CES2: variants seen among roughly 807,000 people sequenced by gnomAD.
CES2 encodes the protein cocaine esterase.
Under a neutral mutation model 52.1 loss-of-function variants are expected in CES2, and 42 were observed. The observed-to-expected ratio is 0.81, with a 90% CI of 0.63 to 1.04. The LOEUF is 1.04. CES2 is among the 50% of genes least tolerant of loss of function. The probability of loss-of-function intolerance (pLI) is 0.00; values close to 1 mark genes in which losing one functional copy is unlikely to be tolerated. For missense variants in CES2, 656 were observed against 724.3 expected, an observed-to-expected ratio of 0.91 and a Z score of 1.08; for synonymous variants, 277 against 289.6, an observed-to-expected ratio of 0.96 and a Z score of 0.44.
At position 66,940,301 on chromosome 16, in the gene CES2, A is replaced by G; in HGVS notation, c.503A>G (p.Glu168Gly). 6.2e-7 allele frequency: 1 copy of G among 1,614,014 alleles called. No individual in the cohort carries two copies. The highest frequency in any genetic ancestry group is 8.5e-7 in the Non-Finnish European group (1 of 1,180,012). ...LYDGSMLAAL[E>G]NVVVVIIQYR... is the part of the protein sequence containing the mutation. Reference sequence around the variant, plus strand: ...GATGGTTCCATGCTGGCTGCCTTGGAGAACGTGGTGGTGGTCATCATCCAG... The same window carrying G: ...GATGGTTCCATGCTGGCTGCCTTGGGGAACGTGGTGGTGGTCATCATCCAG... Residue 168 changes from glutamate to glycine, a missense_variant, in exon 4 of 12, where the codon GAG becomes GGG. Coordinates refer to ENST00000317091, the MANE Select transcript of CES2 (RefSeq NM_001365405.1).
Position 66,943,525 on chromosome 16 carries a change from G to T in CES2, c.1493+154G>T. On this transcript the variant is annotated intron_variant, in intron 11 of 11. Transcript: ENST00000317091. This position sits in a 1 kb window ranked among gnomAD's most constrained non-coding sequence, Gnocchi z 4.2. ...TCCGGGACCCACTCAGACAGGGTGG[G>T]GGTGCGTGGGGCAGTGGACACGCTC... is the stretch of plus-strand genomic sequence containing the variant. The T allele has an allele frequency of 1.3e-6, 1 of 754,900 alleles. No homozygotes were observed. The highest frequency in any genetic ancestry group is 2.2e-6 in the Non-Finnish European group (1 of 456,566). The allele number at this position is 754,900 out of a possible 1,614,324, so 46.8% of individuals were successfully genotyped here. A position where few individuals can be genotyped will look rare whatever the true frequency, so the allele number is the denominator to read the frequency against.
chr16:66,941,293 G>T lies in CES2; in HGVS notation c.915+71G>T, dbSNP rs377228923. On this transcript the variant is annotated intron_variant, in intron 6 of 11. Transcript: ENST00000317091. ...ATGGGGCTGGCAGGCCTGCACGGCC[G>T]TCATATTCCCTGGGCACATTACCTC... The T allele has an allele frequency of 2.9e-5, 45 of 1,578,554 alleles. 1 individual carries two copies. In the Admixed American group the frequency reaches 6.7e-4, roughly 24 times the overall value.
In CES2 at chr16:66,940,695, G is replaced by A. The variant is rs142953579; in HGVS notation, c.816G>A (p.Thr272=). ...CCAGCTCAGCTGATGTCATCTCCACGGTGAGTGCCCTCAGCTGAAGAGGCC... is the reference window on the plus strand; with the variant it reads ...CCAGCTCAGCTGATGTCATCTCCACAGTGAGTGCCCTCAGCTGAAGAGGCC... ...LIASSADVIS[T]VVANLSACDQ... is the part of the protein sequence containing the mutation. Residue 272 remains threonine, a splice_region_variant and synonymous_variant, in exon 5 of 12, where the codon ACG becomes ACA. Coordinates refer to ENST00000317091, the MANE Select transcript of CES2 (RefSeq NM_001365405.1). 15 of 1,613,840 alleles carry A rather than the reference G, an allele frequency of 9.3e-6. No homozygotes were observed. Among genetic ancestry groups the A allele is most frequent in the East Asian group, 4.5e-5 (2 of 44,870 alleles).
intron 3 of CES2, 51 bp from the exon 4 acceptor site, chr16:66,940,171 T>G: frequency 1.2e-6 from 2 of 1,603,474 alleles, no homozygotes; most frequent in Non-Finnish European, 1.7e-6. Context: ...GTGGCCCTGG[T>G]GGGGTTTGGG....
rs763343151 is a variant in CES2 at position 66,935,698 on chromosome 16, T to C, written c.63T>C (p.Leu21=). 6.2e-7 allele frequency: 1 copy of C among 1,600,698 alleles called. No individual in the cohort carries two copies. The highest frequency in any genetic ancestry group is 8.5e-7 in the Non-Finnish European group (1 of 1,179,814). ...SAVACGLLLL[L]VRGQGQDSAS... ...TGGCCTGTGGGCTTCTGCTGCTTCTTGTCCGGGGCCAGGGTGAGGCTCCCT... is the reference window on the plus strand; with the variant it reads ...TGGCCTGTGGGCTTCTGCTGCTTCTCGTCCGGGGCCAGGGTGAGGCTCCCT... The change falls in exon 1 of 12, where the codon CTT becomes CTC. Residue 21 remains leucine (L), a synonymous_variant. Coordinates refer to ENST00000317091, the MANE Select transcript of CES2 (RefSeq NM_001365405.1).
At chr16:66,938,346 C>T (rs762348676) in intron 2 of CES2, 105 bp downstream of exon 2, 29 of 804,870 alleles carry the variant, frequency 3.6e-5, no homozygotes, top group Non-Finnish European at 6.0e-5. Context: ...ACCCCCACAG[C>T]CAGTTTTCCT....
Position 66,944,040 on chromosome 16 carries a change from G to A in CES2, c.*15G>A. ...CAGAGCTGTAGCTCCCTGTGCCGGG[G>A]AGGAGGGGGTGGGTTCGCTGACAGG... On this transcript the variant is annotated 3_prime_UTR_variant, in exon 12 of 12. Transcript: ENST00000317091. 1 of 1,323,332 alleles carries A rather than the reference G, an allele frequency of 7.6e-7. No homozygotes were observed. Among genetic ancestry groups the A allele is most frequent in the Non-Finnish European group, 1.0e-6 (1 of 966,218 alleles). 82.0% of individuals were successfully genotyped at this position (1,323,332 alleles called of 1,614,324 possible).
intron 3 of CES2, 52 bp from the exon 4 acceptor site, chr16:66,940,170 G>A: frequency 1.2e-6 from 2 of 1,604,220 alleles, no homozygotes; most frequent in East Asian, 2.2e-5. Context: ...AGTGGCCCTG[G>A]TGGGGTTTGG....
At chr16:66,936,123 T>C in intron 1 of CES2, 1 of 762,426 alleles carries the variant, frequency 1.3e-6, no homozygotes, top group African/African-American at 1.8e-5. Flanking sequence ...GTGTGTGGCG[T>C]CCTTGGCCAG....
chr16:66,940,551 T>A lies in CES2; in HGVS notation c.672T>A (p.Ile224=). The A allele has an allele frequency of 6.2e-7, 1 of 1,614,208 alleles. No homozygotes were observed. The highest frequency in any genetic ancestry group is 8.5e-7 in the Non-Finnish European group (1 of 1,180,024). ...GAGGCAACCCTGACCGTGTCACCAT[T>A]TTTGGCGAGTCTGCGGGTGGCACGA... The part of the protein sequence containing the change: ...HFGGNPDRVT[I]FGESAGGTSV... The change falls in exon 5 of 12, where the codon ATT becomes ATA. Residue 224 remains isoleucine, a synonymous_variant. Coordinates refer to ENST00000317091, the MANE Select transcript of CES2 (RefSeq NM_001365405.1).
Position 66,942,731 on chromosome 16 carries a change from G to A in CES2, c.1366G>A (p.Asp456Asn). 1 of 1,614,240 alleles carries A rather than the reference G, an allele frequency of 6.2e-7. No homozygotes were observed. Among genetic ancestry groups the A allele is most frequent in the Non-Finnish European group, 8.5e-7 (1 of 1,180,046 alleles). ...CATCAGGCCACCGCACATGAAGGCA[G>A]ACCATGGTGATGAGCTTCCTTTTGT... ...KNIRPPHMKA[D>N]HGDELPFVFR... The change falls in exon 10 of 12, where the codon GAC becomes AAC. Residue 456 changes from aspartate (D) to asparagine (N), a missense_variant. Transcript: ENST00000317091.
In CES2 at chr16:66,935,551, G is replaced by T; in HGVS notation, c.-85G>T. On this transcript the variant is annotated 5_prime_UTR_variant, in exon 1 of 12. Transcript: ENST00000317091. The stretch of plus-strand genomic sequence containing the variant: ...AAACTCCAAGGCTGGGCAAGGCACT[G>T]ATCCACTGCTGGACAGACCCGGGGC... The T allele has an allele frequency of 6.2e-7, 1 of 1,614,114 alleles. No homozygotes were observed.
chr16:66,942,431 A>G, intron 9 of CES2, 182 bp downstream of exon 9: 1 of 824,726 alleles, frequency 1.2e-6, no homozygotes, highest in East Asian at 2.7e-5. Context: ...CCCATTTCAC[A>G]GACGAGCAAA....
chr16:66,940,215 TC>T lies in CES2; in HGVS notation c.424-3del. On this transcript the variant is annotated splice_region_variant and splice_polypyrimidine_tract_variant and intron_variant, in intron 3 of 11. Coordinates refer to ENST00000317091, the MANE Select transcript of CES2 (RefSeq NM_001365405.1). Reference sequence around the variant, plus strand: ...GAGCATCATGGTAGCTGCCTTGATTTCCCCAGGTGATGGTGTGGATCCACGG... The same window carrying T: ...GAGCATCATGGTAGCTGCCTTGATTTCCCAGGTGATGGTGTGGATCCACGG... 1 of 1,613,654 alleles carries T rather than the reference TC, an allele frequency of 6.2e-7. No individual in the cohort carries two copies. The highest frequency in any genetic ancestry group is 2.2e-5 in the East Asian group (1 of 44,882).
rs1172254427 is a variant in CES2 at position 66,943,159 on chromosome 16, G to A, written c.1421-140G>A. On this transcript the variant is annotated intron_variant, in intron 10 of 11. Coordinates refer to ENST00000317091, the MANE Select transcript of CES2 (RefSeq NM_001365405.1). The surrounding 1 kb of genome is among the most constrained non-coding windows in gnomAD (Gnocchi z 4.2). ...ACAGGGAAAGTTTGGAAAAGGGGAG[G>A]GCTGGCTTCTGAGGGCAGTGGAAGA... 4 of 862,490 alleles carry A rather than the reference G, an allele frequency of 4.6e-6. No individual in the cohort carries two copies. Among genetic ancestry groups the A allele is most frequent in the Non-Finnish European group, 7.2e-6 (4 of 553,546 alleles). 53.4% of individuals were successfully genotyped at this position (862,490 alleles called of 1,614,324 possible). A position where few individuals can be genotyped will look rare whatever the true frequency, so the allele number is the denominator to read the frequency against.
chr16:66,938,167 TCCGCTGCGATTTGCACC>T lies in CES2; in HGVS notation c.210_226del (p.Leu71Ter). ...TTCCATTTGCCAAGCCACCTCTAGG[TCCGCTGCGATTTGCACC>T]CCCTGAGCCCCCTGAATCTTGGAGT... On this transcript the variant is annotated frameshift_variant, in exon 2 of 12. Coordinates refer to ENST00000317091, the MANE Select transcript of CES2 (RefSeq NM_001365405.1). LOFTEE classifies it high-confidence loss of function. 6.2e-7 allele frequency: 1 copy of T among 1,614,102 alleles called. No individual in the cohort carries two copies. The highest frequency in any genetic ancestry group is 1.1e-5 in the South Asian group (1 of 91,078).
At chr16:66,938,608 T>C (rs1963274287) in intron 2 of CES2, among the ~76,000 whole-genome samples, 1 of 152,226 alleles carries the variant, frequency 6.6e-6, no homozygotes, top group Non-Finnish European at 1.5e-5. Context: ...CCCCTAACTC[T>C]AGTGGCAGAT....
intron 2 of CES2, among the ~76,000 whole-genome samples, chr16:66,938,684 G>A (rs578149907): frequency 1.3e-5 from 2 of 152,312 alleles, no homozygotes; most frequent in African/African-American, 4.8e-5. Context: ...CACAGGCACT[G>A]TGTCCACTGA....
chr16:66,943,349 TG>T lies in CES2; in HGVS notation c.1474del (p.Ala492ProfsTer29), dbSNP rs909229927. 1.9e-6 allele frequency: 3 copies of T among 1,614,124 alleles called. No homozygotes were observed. The highest frequency in any genetic ancestry group is 2.5e-6 in the Non-Finnish European group (3 of 1,180,014). Reference sequence around the variant, plus strand: ...GCTAAGCAGGAAGATGATGAAGTACTGGGCCAACTTTGCGAGAAATGGGTGA... The same window carrying T: ...GCTAAGCAGGAAGATGATGAAGTACTGGCCAACTTTGCGAGAAATGGGTGA... ...EQLSRKMMKY[W>X]ANFARNGNPN... On this transcript the variant is annotated frameshift_variant, in exon 11 of 12. Coordinates refer to ENST00000317091, the MANE Select transcript of CES2 (RefSeq NM_001365405.1). LOFTEE classifies it low-confidence loss of function (END_TRUNC). This position sits in a 1 kb window ranked among gnomAD's most constrained non-coding sequence, Gnocchi z 4.2.
Sources: allele counts gnomAD v4.1 joint callset (sites outside exome capture counted in the v4.1 genomes callset), GRCh38; gene constraint gnomAD v4.1.1; non-coding constraint Gnocchi (gnomAD v3.1); transcripts MANE v1.5; gene names NCBI Gene and HGNC (gene_info 2026-07-23, HGNC 2026-07-21).